BABAM2: variants seen among roughly 807,000 people sequenced by gnomAD.
The protein encoded by BABAM2 is BRISC and BRCA1-A complex member 2.
BABAM2 carries 31 observed loss-of-function variants against 54.7 expected under a neutral mutation model. The ratio of observed to expected loss-of-function variants is 0.57; its 90% CI spans 0.43 to 0.77. The LOEUF (loss-of-function observed/expected upper bound fraction) is 0.77, where lower values mean the gene tolerates loss of function less well. Ranked by LOEUF, BABAM2 falls within the 30% of genes least tolerant of loss-of-function variation. The pLI is 0.00. For missense variants in BABAM2, 364 were observed against 455.8 expected, an observed-to-expected ratio of 0.80 and a Z score of 1.83; for synonymous variants, 167 against 162.9, an observed-to-expected ratio of 1.03 and a Z score of -0.19.
intron 7 of BABAM2, among the ~76,000 whole-genome samples, chr2:28,137,439 G>A (rs1300694392): frequency 6.6e-6 from 1 of 152,090 alleles, no homozygotes; most frequent in Non-Finnish European, 1.5e-5. Flanking sequence ...CTGGGAGCAG[G>A]GCCAAAAGGG....
rs541213783 is a variant in BABAM2, at chr2:28,284,396, A to T, written c.935-13942A>T. ...AAGATTGATTATATTGTGGGTCTTT[A>T]AAAAAAAAAAAACACTCACAAATAA... On this transcript the variant is annotated intron_variant, in intron 10 of 11. Coordinates refer to ENST00000379624, the MANE Select transcript of BABAM2 (RefSeq NM_199191.3). Among the ~76,000 whole-genome samples, 19 of 141,656 alleles carry T rather than the reference A, an allele frequency of 1.3e-4. No individual in the cohort carries two copies. In the East Asian group the frequency reaches 3.8e-3, roughly 28 times the overall value. 92.9% of individuals were successfully genotyped at this position (141,656 alleles called of 152,430 possible).
chr2:28,094,996 GA>G lies in BABAM2; in HGVS notation c.571-34274del, dbSNP rs977797123. ...CACCCTTTGTAGGGGAATGATTTATGATAGCCAGTCTTTGGCTATCATAAAC... is the reference window on the plus strand; with the variant it reads ...CACCCTTTGTAGGGGAATGATTTATGTAGCCAGTCTTTGGCTATCATAAAC... On this transcript the variant is annotated intron_variant, in intron 6 of 11. Coordinates refer to ENST00000379624, the MANE Select transcript of BABAM2 (RefSeq NM_199191.3). Among the ~76,000 whole-genome samples the G allele has an allele frequency of 1.1e-4, 16 of 146,476 alleles. 1 individual carries two copies. The highest frequency in any genetic ancestry group is 1.4e-4 in the Admixed American group (2 of 14,488).
intron 10 of BABAM2, among the ~76,000 whole-genome samples, chr2:28,290,059 T>C (rs1226502894): frequency 1.3e-5 from 2 of 152,226 alleles, no homozygotes; most frequent in Non-Finnish European, 2.9e-5. Context: ...TGTGCACGTT[T>C]TTGATCCTTG....
chr2:28,044,311 A>T (rs1677378909), intron 5 of BABAM2, among the ~76,000 whole-genome samples: 1 of 151,958 alleles, frequency 6.6e-6, no homozygotes, highest in Admixed American at 6.6e-5. Flanking sequence ...CTCACTGCAA[A>T]CTCTGCCTCC....
intron 4 of BABAM2, among the ~76,000 whole-genome samples, chr2:28,017,958 A>G (rs1409743344): frequency 6.6e-6 from 1 of 152,238 alleles, no homozygotes; most frequent in Non-Finnish European, 1.5e-5. Context: ...GGAATATGCT[A>G]CTATGAACAT....
chr2:28,093,575 T>C, intron 6 of BABAM2, among the ~76,000 whole-genome samples: 1 of 152,208 alleles, frequency 6.6e-6, no homozygotes, highest in East Asian at 1.9e-4. Context: ...GACGTATACC[T>C]GTAATAGGAA....
At chr2:28,246,869 C>A (rs956689417) in intron 10 of BABAM2, among the ~76,000 whole-genome samples, 1 of 152,216 alleles carries the variant, frequency 6.6e-6, no homozygotes, top group African/African-American at 2.4e-5. Flanking sequence ...TCAGCTCCTG[C>A]CAACTCGTTT....
chr2:28,046,868 A>G (rs1310566134), intron 6 of BABAM2, among the ~76,000 whole-genome samples: 1 of 151,762 alleles, frequency 6.6e-6, no homozygotes, highest in African/African-American at 2.4e-5. Flanking sequence ...CCCCAAGCTC[A>G]AGTGATCCTC....
At chr2:28,032,066 A>G (rs1676335335) in intron 5 of BABAM2, among the ~76,000 whole-genome samples, 1 of 152,234 alleles carries the variant, frequency 6.6e-6, no homozygotes, top group Admixed American at 6.5e-5. Context: ...CTGAATGGAA[A>G]TTCAAGTATT....
At chr2:28,193,648 A>G (rs555653781) in intron 7 of BABAM2, among the ~76,000 whole-genome samples, 1 of 152,224 alleles carries the variant, frequency 6.6e-6, no homozygotes, top group African/African-American at 2.4e-5. Context: ...AACCAAAGGT[A>G]TATAATCTTT....
chr2:28,114,973 A>G (rs1001232640), intron 6 of BABAM2, among the ~76,000 whole-genome samples: 2 of 152,198 alleles, frequency 1.3e-5, no homozygotes, highest in African/African-American at 4.8e-5. Context: ...ATATGTAGTC[A>G]TTCATATACA....
intron 2 of BABAM2, among the ~76,000 whole-genome samples, chr2:27,917,457 G>T (rs1392579665): frequency 1.3e-5 from 2 of 152,168 alleles, no homozygotes; most frequent in Non-Finnish European, 2.9e-5. Flanking sequence ...TCATGGCTCT[G>T]GTAGATTGTG....
chr2:27,937,771 C>T (rs377506265), intron 3 of BABAM2, among the ~76,000 whole-genome samples: 18 of 152,114 alleles, frequency 1.2e-4, no homozygotes, highest in African/African-American at 3.4e-4. Context: ...TCTCTGCAGT[C>T]TGTTGATTGT....
chr2:27,957,234 T>C (rs999406339), intron 3 of BABAM2, among the ~76,000 whole-genome samples: 16 of 152,212 alleles, frequency 1.1e-4, no homozygotes, highest in Non-Finnish European at 2.4e-4. Flanking sequence ...CAATCTCCTG[T>C]AGAAAGAAAA....
intron 6 of BABAM2, among the ~76,000 whole-genome samples, chr2:28,084,760 G>A (rs747800356): frequency 4.6e-5 from 7 of 152,110 alleles, no homozygotes; most frequent in African/African-American, 1.7e-4. Flanking sequence ...GCCATGAGAC[G>A]TGAAAACTTG....
intron 3 of BABAM2, among the ~76,000 whole-genome samples, chr2:27,981,298 G>GT (rs907738053): frequency 6.6e-6 from 1 of 151,934 alleles, no homozygotes; most frequent in African/African-American, 2.4e-5. Context: ...TTAAGATCAG[G>GT]TTTTTTTAAA....
intron 3 of BABAM2, among the ~76,000 whole-genome samples, chr2:27,949,513 G>A (rs1669547488): frequency 2.0e-5 from 3 of 149,630 alleles, no homozygotes; most frequent in Admixed American, 2.0e-4. Context: ...CAACCTGGGC[G>A]ACAGAGTGAG....
chr2:28,113,187 G>A (rs1245243093), intron 6 of BABAM2, among the ~76,000 whole-genome samples: 1 of 152,180 alleles, frequency 6.6e-6, no homozygotes, highest in Non-Finnish European at 1.5e-5. Flanking sequence ...CTTTTGCTGT[G>A]CAGAAGCTCT....
At chr2:28,292,557 C>G (rs939961563) in intron 10 of BABAM2, among the ~76,000 whole-genome samples, 13 of 152,046 alleles carry the variant, frequency 8.6e-5, no homozygotes, top group Admixed American at 6.6e-4. Context: ...ACAAGAAATC[C>G]AGAGCTGGGT....
Sources: allele counts gnomAD v4.1 joint callset (sites outside exome capture counted in the v4.1 genomes callset), GRCh38; gene constraint gnomAD v4.1.1; transcripts MANE v1.5; gene names NCBI Gene and HGNC (gene_info 2026-07-23, HGNC 2026-07-21).